Variants in CSMD1 observed in about 807,000 individuals in gnomAD.
CSMD1 encodes CUB and sushi domain-containing protein 1.
In CSMD1, 213 loss-of-function variants were observed where a neutral mutation model predicts 417.5. The ratio of observed to expected loss-of-function variants is 0.51; its 90% CI spans 0.46 to 0.57. The LOEUF is 0.57. Ranked by LOEUF, CSMD1 falls within the 20% of genes least tolerant of loss-of-function variation. The pLI is 0.00. For missense variants in CSMD1, 6,923 were observed against 4,529.7 expected (o/e 1.53, Z -15.17); for synonymous variants, 2,862 against 1,736.8 (o/e 1.65, Z -16.11).
chr8:4,170,293 G>A lies in CSMD1; in HGVS notation c.416-138194C>T, dbSNP rs77427389. Among the ~76,000 whole-genome samples, 838 of 151,838 alleles carry A rather than the reference G, an allele frequency of 5.5e-3. 7 individuals carry two copies. The highest frequency in any genetic ancestry group is 9.5e-3 in the Non-Finnish European group (645 of 67,996). On this transcript the variant is annotated intron_variant, in intron 3 of 69. Coordinates refer to ENST00000635120, the MANE Select transcript of CSMD1 (RefSeq NM_033225.6). ...CCTTGGGTAGAGTCTATGAATTTAA[G>A]CATTTGCGTCTCAATGATATAAAAA...
intron 3 of CSMD1, among the ~76,000 whole-genome samples, chr8:4,180,110 ATG>A: frequency 1.3e-5 from 2 of 152,250 alleles, no homozygotes; most frequent in Non-Finnish European, 2.9e-5. Context: ...TCATGCTGCT[ATG>A]AAGACACATT....
At chr8:3,914,451 G>A (rs987621545) in intron 5 of CSMD1, among the ~76,000 whole-genome samples, 5 of 152,122 alleles carry the variant, frequency 3.3e-5, no homozygotes, top group Non-Finnish European at 7.3e-5. Context: ...TATTTCTAAC[G>A]CTAATTATTA....
chr8:4,681,599 G>C (rs563380420), intron 1 of CSMD1, among the ~76,000 whole-genome samples: 2 of 152,274 alleles, frequency 1.3e-5, no homozygotes, highest in South Asian at 4.1e-4. Flanking sequence ...TGGAACTCGA[G>C]CCTGGTAAAT....
At chr8:4,054,025 C>T (rs969348704) in intron 3 of CSMD1, among the ~76,000 whole-genome samples, 48 of 152,174 alleles carry the variant, frequency 3.2e-4, no homozygotes, top group Non-Finnish European at 6.3e-4. Flanking sequence ...AACATGGCCA[C>T]AGCTTTGCTT....
At chr8:3,294,719 T>A (rs1803835155) in intron 25 of CSMD1, among the ~76,000 whole-genome samples, 1 of 152,184 alleles carries the variant, frequency 6.6e-6, no homozygotes, top group African/African-American at 2.4e-5. Context: ...AGGTGCCATC[T>A]GTCACCCCTT....
chr8:2,949,247 T>C (rs774308054), intron 68 of CSMD1, 52 bp downstream of exon 68: 10 of 989,776 alleles, frequency 1.0e-5, no homozygotes, highest in East Asian at 2.5e-5. Flanking sequence ...AGAAACATCA[T>C]TGGAAAGCCA....
chr8:4,111,631 G>C (rs1285266366), intron 3 of CSMD1, among the ~76,000 whole-genome samples: 1 of 152,142 alleles, frequency 6.6e-6, no homozygotes, highest in Non-Finnish European at 1.5e-5. Context: ...GACGTGGATG[G>C]AGTTAGAAGC....
chr8:3,151,336 T>C (rs535862163), intron 40 of CSMD1, 61 bp downstream of exon 40: 1 of 1,081,610 alleles, frequency 9.2e-7, no homozygotes, highest in Non-Finnish European at 1.4e-6. Flanking sequence ...TTCTGCTTAA[T>C]TCTTTCCAAG....
chr8:4,177,846 C>G (rs1485468144), intron 3 of CSMD1, among the ~76,000 whole-genome samples: 1 of 151,510 alleles, frequency 6.6e-6, no homozygotes, highest in Non-Finnish European at 1.5e-5. Context: ...TGGATAAATT[C>G]CTCGACACAT....
chr8:4,347,947 G>C (rs527330517), intron 3 of CSMD1, among the ~76,000 whole-genome samples: 1 of 151,976 alleles, frequency 6.6e-6, no homozygotes. Flanking sequence ...AAATAAAATG[G>C]AGGCACAGAA....
intron 5 of CSMD1, among the ~76,000 whole-genome samples, chr8:3,902,123 T>A (rs572658025): frequency 6.6e-6 from 1 of 152,198 alleles, no homozygotes; most frequent in African/African-American, 2.4e-5. Flanking sequence ...AGCCTTAATA[T>A]GACAGAAGTA....
At chr8:3,952,644 T>C (rs1811667301) in intron 5 of CSMD1, among the ~76,000 whole-genome samples, 1 of 152,168 alleles carries the variant, frequency 6.6e-6, no homozygotes, top group South Asian at 2.1e-4. Flanking sequence ...GCTGTTTTCC[T>C]GGGGTGATTA....
chr8:4,561,218 AAAAC>A (rs1477388988), intron 2 of CSMD1, among the ~76,000 whole-genome samples: 2 of 152,186 alleles, frequency 1.3e-5, no homozygotes, highest in Admixed American at 6.5e-5. Flanking sequence ...AAAATACAAA[AAAAC>A]AAACAGTCAG....
At chr8:4,083,981 T>C (rs1196056629) in intron 3 of CSMD1, among the ~76,000 whole-genome samples, 1 of 151,920 alleles carries the variant, frequency 6.6e-6, no homozygotes, top group Non-Finnish European at 1.5e-5. Flanking sequence ...TACAATGAAC[T>C]CAAACAAATT....
At chr8:4,975,684 A>G (rs935145258) in intron 1 of CSMD1, among the ~76,000 whole-genome samples, 2 of 152,198 alleles carry the variant, frequency 1.3e-5, no homozygotes, top group Non-Finnish European at 2.9e-5. Context: ...GAAGTAGGCA[A>G]AGGGCTATTA....
chr8:3,083,658 T>TTTTA (rs1563320748), intron 49 of CSMD1, among the ~76,000 whole-genome samples: 1 of 63,834 alleles, frequency 1.6e-5, no homozygotes, highest in Non-Finnish European at 3.0e-5. Context: ...ATTTTTTTTT[T>TTTTA]TTTTTTTTTT....
At chr8:3,488,888 T>C (rs1348502577) in intron 11 of CSMD1, among the ~76,000 whole-genome samples, 1 of 152,188 alleles carries the variant, frequency 6.6e-6, no homozygotes, top group East Asian at 1.9e-4. Flanking sequence ...GAATCTTATT[T>C]CTATTTGGTT....
At chr8:4,764,561 G>A (rs962561190) in intron 1 of CSMD1, among the ~76,000 whole-genome samples, 3 of 151,982 alleles carry the variant, frequency 2.0e-5, no homozygotes, top group Admixed American at 1.3e-4. Flanking sequence ...CAGCCAAGCT[G>A]CTCTCTAAAA....
intron 12 of CSMD1, among the ~76,000 whole-genome samples, chr8:3,415,675 A>C (rs557281703): frequency 6.6e-6 from 1 of 152,136 alleles, no homozygotes; most frequent in African/African-American, 2.4e-5. Flanking sequence ...TGTCACATTT[A>C]TAGGTGTGTG....
Sources: allele counts gnomAD v4.1 joint callset (sites outside exome capture counted in the v4.1 genomes callset), GRCh38; gene constraint gnomAD v4.1.1; transcripts MANE v1.5; gene names NCBI Gene and HGNC (gene_info 2026-07-23, HGNC 2026-07-21).